The following NRG4 variants were observed in gnomAD, a reference collection of about 807,000 sequenced individuals.
NRG4 encodes pro-neuregulin-4, membrane-bound isoform.
NRG4 carries 10 observed loss-of-function variants against 15.0 expected under a neutral mutation model. That is an observed-to-expected ratio of 0.67 (90% CI 0.41 to 1.13). NRG4 has a LOEUF of 1.13. NRG4 is among the 50% of genes most tolerant of loss of function. The pLI, the probability that NRG4 is intolerant of heterozygous loss-of-function variation, is 0.00. For missense variants in NRG4, 139 were observed against 140.2 expected, an observed-to-expected ratio of 0.99 and a Z score of 0.04; for synonymous variants, 41 against 50.1, an observed-to-expected ratio of 0.82 and a Z score of 0.77.
Position 75,977,797 on chromosome 15 carries a change from A to G in NRG4, c.105-15823T>C, listed in dbSNP as rs933876741. 2.0e-5 allele frequency among the ~76,000 whole-genome samples: 3 copies of G among 151,764 alleles called. No homozygotes were observed. Among genetic ancestry groups the G allele is most frequent in the African/African-American group, 7.3e-5 (3 of 41,312 alleles). Reference sequence around the variant, plus strand: ...CTTCTTTCTTTTGGGAACATTCCCAATCTTCTCTTCCAGCTTTTTATTTTT... The same window carrying G: ...CTTCTTTCTTTTGGGAACATTCCCAGTCTTCTCTTCCAGCTTTTTATTTTT... On this transcript the variant is annotated intron_variant, in intron 3 of 5. Coordinates refer to ENST00000394907, the MANE Select transcript of NRG4 (RefSeq NM_138573.4). This position sits in a 1 kb window ranked among gnomAD's most constrained non-coding sequence, Gnocchi z 4.9.
intron 4 of NRG4, among the ~76,000 whole-genome samples, chr15:76,046,549 A>C (rs2035874207): frequency 1.3e-5 from 2 of 151,256 alleles, no homozygotes; most frequent in Admixed American, 1.3e-4. Flanking sequence ...GTAAATCCAC[A>C]CATTTATTGC....
chr15:76,057,253 A>G (rs939282254), intron 1 of NRG4: 1 of 151,914 alleles, frequency 6.6e-6, no homozygotes, highest in African/African-American at 2.4e-5. Context: ...CAACCCCCTG[A>G]TATTAGATTT....
chr15:75,947,386 G>C (rs966587195), intron 5 of NRG4, among the ~76,000 whole-genome samples: 1 of 152,160 alleles, frequency 6.6e-6, no homozygotes, highest in Non-Finnish European at 1.5e-5. Context: ...AGTCTCCCTA[G>C]TGCCAGTCTT....
At position 76,011,252 on chromosome 15, in the gene NRG4, T is replaced by A; in HGVS notation, c.-22A>T. The A allele has an allele frequency of 6.9e-7, 1 of 1,448,404 alleles. No individual in the cohort carries two copies. The highest frequency in any genetic ancestry group is 9.2e-7 in the Non-Finnish European group (1 of 1,092,720). The allele number at this position is 1,448,404 out of a possible 1,614,324, so 89.7% of individuals were successfully genotyped here. ...GCATCTTAATTTGTAAATAGTTTCA[T>A]TCTTGGTCAAGAGAGTAGGGTTGAA... On this transcript the variant is annotated 5_prime_UTR_variant, in exon 2 of 6. It removes an upstream start codon present in the reference 5' UTR. Coordinates refer to ENST00000394907, the MANE Select transcript of NRG4 (RefSeq NM_138573.4).
At chr15:76,053,681 G>A (rs541735788) in intron 2 of NRG4, among the ~76,000 whole-genome samples, 3 of 150,556 alleles carry the variant, frequency 2.0e-5, no homozygotes, top group South Asian at 4.2e-4. Flanking sequence ...TCAGCCTCCC[G>A]AGTAGCTGGG....
intron 5 of NRG4, among the ~76,000 whole-genome samples, chr15:76,030,838 A>G (rs1039347736): frequency 6.6e-5 from 10 of 152,224 alleles, no homozygotes; most frequent in Admixed American, 3.3e-4. Flanking sequence ...ATAACATTAT[A>G]CACAATCTTT....
At chr15:76,047,215 G>A (rs745361708) in intron 4 of NRG4, among the ~76,000 whole-genome samples, 13 of 150,630 alleles carry the variant, frequency 8.6e-5, no homozygotes, top group Non-Finnish European at 4.4e-5. Flanking sequence ...ACAGTATGGC[G>A]GCTTCTCAAA....
rs574872613 is a variant in NRG4 at position 75,941,907 on chromosome 15, C to G, written c.*1731G>C. 2.2e-4 allele frequency: 26 copies of G among 119,400 alleles called. No individual in the cohort carries two copies. Among genetic ancestry groups the G allele is most frequent in the African/African-American group, 7.9e-4 (24 of 30,348 alleles). The allele number at this position is 119,400 out of a possible 1,614,324, so 7.4% of individuals were successfully genotyped here. Reference sequence around the variant, plus strand: ...CAAAATGGTTAAAATTTAAATCTTACGTACATTTTGCCACAGTAAATTTTT... The same window carrying G: ...CAAAATGGTTAAAATTTAAATCTTAGGTACATTTTGCCACAGTAAATTTTT... On this transcript the variant is annotated 3_prime_UTR_variant, in exon 6 of 6. Transcript: ENST00000394907.
At chr15:75,987,142 C>A (rs1440485032) in intron 3 of NRG4, among the ~76,000 whole-genome samples, 1 of 152,062 alleles carries the variant, frequency 6.6e-6, no homozygotes, top group Non-Finnish European at 1.5e-5. Flanking sequence ...GCTTTGCGGT[C>A]CCCAGGAAAG....
At chr15:76,033,154 G>A (rs2032185650) in intron 5 of NRG4, among the ~76,000 whole-genome samples, 1 of 152,222 alleles carries the variant, frequency 6.6e-6, no homozygotes, top group African/African-American at 2.4e-5. Flanking sequence ...TCAAGAAGAT[G>A]TCTGTCAATA....
intron 1 of NRG4, chr15:76,011,880 C>T (rs956684249): frequency 2.6e-5 from 4 of 151,984 alleles, no homozygotes; most frequent in Non-Finnish European, 5.9e-5. Context: ...AAAATGTTAA[C>T]CCCACACACA....
chr15:75,962,112 T>TATA (rs2032552566), intron 3 of NRG4, 138 bp from the exon 4 acceptor site: 4 of 570,102 alleles, frequency 7.0e-6, no homozygotes, highest in Non-Finnish European at 9.1e-6. Flanking sequence ...CAGGTTTTCC[T>TATA]ATAATGCTCA....
chr15:75,986,179 T>C (rs1254055923), intron 3 of NRG4, among the ~76,000 whole-genome samples: 3 of 152,174 alleles, frequency 2.0e-5, no homozygotes, highest in African/African-American at 7.2e-5. Context: ...ATCTATCTGA[T>C]TGGTAAAAAC....
At chr15:76,028,323 A>G (rs1424573636) in intron 5 of NRG4, among the ~76,000 whole-genome samples, 2 of 152,128 alleles carry the variant, frequency 1.3e-5, no homozygotes, top group African/African-American at 4.8e-5. Context: ...TGAGACATCA[A>G]AACAGATACC....
chr15:76,017,231 T>C (rs1162210136), upstream of NRG4, among the ~76,000 whole-genome samples: 1 of 149,160 alleles, frequency 6.7e-6, no homozygotes, highest in Admixed American at 6.8e-5. Context: ...GAGCGTGTGT[T>C]TCTTTGCATA....
chr15:76,050,958 A>C (rs1596065035), intron 4 of NRG4, among the ~76,000 whole-genome samples: 1 of 149,142 alleles, frequency 6.7e-6, no homozygotes, highest in East Asian at 1.9e-4. Context: ...GGTGTGTGCC[A>C]CCATGCCTGC....
downstream of NRG4, chr15:75,936,515 T>C (rs1178163487): frequency 6.6e-6 from 1 of 152,230 alleles, no homozygotes. Flanking sequence ...TACAAGAACA[T>C]GTGCTACTAC....
At chr15:76,001,641 A>AT (rs1446164422) in intron 3 of NRG4, among the ~76,000 whole-genome samples, 21 of 152,188 alleles carry the variant, frequency 1.4e-4, no homozygotes, top group Non-Finnish European at 2.8e-4. Flanking sequence ...CTATTCTACT[A>AT]AGAATGGGAG....
chr15:76,005,992 G>A (rs1053557712), intron 3 of NRG4, among the ~76,000 whole-genome samples: 2 of 152,188 alleles, frequency 1.3e-5, no homozygotes, highest in African/African-American at 4.8e-5. Context: ...TATTTCATGA[G>A]TGGTAGATGG....
Sources: allele counts gnomAD v4.1 joint callset (sites outside exome capture counted in the v4.1 genomes callset), GRCh38; gene constraint gnomAD v4.1.1; non-coding constraint Gnocchi (gnomAD v3.1); transcripts MANE v1.5; gene names NCBI Gene and HGNC (gene_info 2026-07-23, HGNC 2026-07-21).